TTLL7: variants seen among roughly 807,000 people sequenced by gnomAD.
TTLL7 encodes the protein tubulin polyglutamylase TTLL7.
A neutral mutation model predicts 120.2 loss-of-function variants in TTLL7; 53 were observed. The ratio of observed to expected loss-of-function variants is 0.44; its 90% confidence interval spans 0.35 to 0.55. The LOEUF (loss-of-function observed/expected upper bound fraction) is 0.55, where lower values mean the gene tolerates loss of function less well. Among genes scored for constraint, TTLL7 ranks in the 20% least tolerant of loss-of-function variants. TTLL7 has a pLI of 0.00. For synonymous variants in TTLL7, 353 were observed against 351.7 expected, an observed-to-expected ratio of 1.00 and a Z score of -0.04; for missense variants, 803 against 1,054.7, an observed-to-expected ratio of 0.76 and a Z score of 3.31.
At chr1:83,922,661 C>CAGTTTA (rs368069066) in intron 10 of TTLL7, among the ~76,000 whole-genome samples, 1 of 151,520 alleles carries the variant, frequency 6.6e-6, no homozygotes. Context: ...TGGGTGAATG[C>CAGTTTA]AAGAAACTCA....
chr1:83,970,195 TTTTGTGTTTA>T (rs1325263676), intron 1 of TTLL7, among the ~76,000 whole-genome samples: 1 of 152,080 alleles, frequency 6.6e-6, no homozygotes, highest in East Asian at 1.9e-4. Flanking sequence ...GTGAATTACA[TTTTGTGTTTA>T]TTTTAGTACT....
intron 1 of TTLL7, among the ~76,000 whole-genome samples, chr1:83,974,738 CAT>C (rs1426961348): frequency 7.2e-5 from 11 of 152,002 alleles, no homozygotes; most frequent in Non-Finnish European, 1.2e-4. Context: ...AGTATCGTTA[CAT>C]GTTTTTATCT....
At chr1:83,938,076 C>T in intron 7 of TTLL7, 60 bp from the exon 8 acceptor site, 1 of 1,536,410 alleles carries the variant, frequency 6.5e-7, no homozygotes, top group Non-Finnish European at 8.9e-7. Context: ...TGCGAAGTTT[C>T]AGAGGAAAAA....
At chr1:83,941,454 C>T (rs1647961992) in intron 7 of TTLL7, among the ~76,000 whole-genome samples, 1 of 152,132 alleles carries the variant, frequency 6.6e-6, no homozygotes, top group South Asian at 2.1e-4. Flanking sequence ...ACTTCTTTTC[C>T]TATGAAAAGT....
At chr1:83,952,653 C>T (rs913839862) in intron 1 of TTLL7, among the ~76,000 whole-genome samples, 1 of 152,078 alleles carries the variant, frequency 6.6e-6, no homozygotes, top group African/African-American at 2.4e-5. Context: ...CAAACAATAA[C>T]AGCAATAACA....
intron 9 of TTLL7, among the ~76,000 whole-genome samples, chr1:83,932,560 T>C (rs911481022): frequency 1.6e-5 from 2 of 127,130 alleles, no homozygotes; most frequent in Non-Finnish European, 3.7e-5. Flanking sequence ...TGACCACACA[T>C]AGGCGCGCGC....
intron 1 of TTLL7, among the ~76,000 whole-genome samples, chr1:83,962,559 C>A (rs761149909): frequency 9.2e-5 from 14 of 152,102 alleles, no homozygotes; most frequent in Admixed American, 1.3e-4. Flanking sequence ...ACCTAACAGC[C>A]ATTCACTAGT....
chr1:83,938,072 GTTTC>G, intron 7 of TTLL7, 56 bp from the exon 8 acceptor site: 2 of 1,550,192 alleles, frequency 1.3e-6, no homozygotes, highest in African/African-American at 1.4e-5. Flanking sequence ...GAACTGCGAA[GTTTC>G]AGAGGAAAAA....
intron 20 of TTLL7, among the ~76,000 whole-genome samples, chr1:83,871,679 A>G (rs1451903519): frequency 6.6e-6 from 1 of 151,974 alleles, no homozygotes; most frequent in Non-Finnish European, 1.5e-5. Flanking sequence ...GCGGATCACG[A>G]GGTCAGGAGA....
intron 1 of TTLL7, among the ~76,000 whole-genome samples, chr1:83,977,542 A>G (rs915753111): frequency 2.6e-5 from 4 of 152,148 alleles, no homozygotes; most frequent in African/African-American, 9.7e-5. Flanking sequence ...CTATGGGCCC[A>G]GCTATTAGAG....
intron 1 of TTLL7, among the ~76,000 whole-genome samples, chr1:83,955,540 A>C (rs1649432309): frequency 6.6e-6 from 1 of 152,192 alleles, no homozygotes; most frequent in African/African-American, 2.4e-5. Context: ...GTGCAGCAAC[A>C]AAGTACCATC....
At chr1:83,916,536 T>C (rs527581041) in intron 14 of TTLL7, among the ~76,000 whole-genome samples, 157 of 151,658 alleles carry the variant, frequency 1.0e-3, no homozygotes, top group Non-Finnish European at 1.7e-3. Flanking sequence ...AAATACCTAA[T>C]AGTAAATGAC....
At chr1:83,960,424 T>C (rs1314700928) in intron 1 of TTLL7, among the ~76,000 whole-genome samples, 1 of 152,120 alleles carries the variant, frequency 6.6e-6, no homozygotes, top group African/African-American at 2.4e-5. Context: ...ATTCTGCTAT[T>C]GCAGTATTAG....
chr1:83,969,334 A>G (rs558539543), intron 1 of TTLL7, among the ~76,000 whole-genome samples: 73 of 152,094 alleles, frequency 4.8e-4, no homozygotes, highest in African/African-American at 1.6e-3. Flanking sequence ...TACTAAACTT[A>G]AAATGTTATT....
intron 1 of TTLL7, among the ~76,000 whole-genome samples, chr1:83,970,551 C>T (rs1033806925): frequency 3.4e-4 from 52 of 152,094 alleles, no homozygotes; most frequent in African/African-American, 7.2e-5. Flanking sequence ...AATTTGGACA[C>T]GTCAGGTTTG....
intron 1 of TTLL7, 21 bp from the exon 2 acceptor site, chr1:83,952,408 G>A: frequency 4.2e-6 from 2 of 472,468 alleles, no homozygotes; most frequent in South Asian, 7.5e-5. Context: ...TTTAAAACAA[G>A]GTCATTTAGA....
rs201769908 is a variant in TTLL7 at position 83,947,277 on chromosome 1, A to C, written c.353T>G (p.Ile118Ser). The change falls in exon 6 of 21, where the codon ATC becomes AGC. Residue 118 changes from isoleucine to serine, a missense_variant. Physicochemically the swap from Ile to Ser is moderately radical, Grantham distance 142. Coordinates refer to ENST00000260505, the MANE Select transcript of TTLL7 (RefSeq NM_024686.6). ...DFLARNMTKM[I>S]KSRPLDYTFV... ...GGTATAATCCAGAGGCCGAGACTTG[A>C]TCATTCTGTAAATTGGACATAATAG... The C allele has an allele frequency of 5.8e-5, 92 of 1,597,668 alleles. No individual in the cohort carries two copies. The highest frequency in any genetic ancestry group is 7.4e-5 in the Non-Finnish European group (87 of 1,174,974).
At chr1:83,964,755 A>G (rs1166572387) in intron 1 of TTLL7, among the ~76,000 whole-genome samples, 1 of 152,192 alleles carries the variant, frequency 6.6e-6, no homozygotes, top group Non-Finnish European at 1.5e-5. Flanking sequence ...TATCAATGAG[A>G]GATACATTCA....
At chr1:83,984,866 C>T (rs1277404005) in intron 1 of TTLL7, among the ~76,000 whole-genome samples, 2 of 152,116 alleles carry the variant, frequency 1.3e-5, no homozygotes, top group Non-Finnish European at 2.9e-5. Context: ...TATTCCAAAC[C>T]TCAGCATCAT....
Sources: allele counts gnomAD v4.1 joint callset (sites outside exome capture counted in the v4.1 genomes callset), GRCh38; gene constraint gnomAD v4.1.1; transcripts MANE v1.5; gene names NCBI Gene and HGNC (gene_info 2026-07-23, HGNC 2026-07-21).